STAC: variants seen among roughly 807,000 people sequenced by gnomAD.
STAC encodes the protein SH3 and cysteine-rich domain-containing protein.
STAC carries 43 observed loss-of-function variants against 48.8 expected under a neutral mutation model. The observed-to-expected ratio is 0.88, with a 90% CI of 0.69 to 1.14. The LOEUF (loss-of-function observed/expected upper bound fraction) is 1.14. Ranked by LOEUF, STAC falls within the 50% of genes most tolerant of loss-of-function variation. The probability of loss-of-function intolerance (pLI) is 0.00; values close to 1 mark genes in which losing one functional copy is unlikely to be tolerated. For synonymous variants in STAC, 193 were observed against 179.5 expected (o/e 1.07, Z -0.60); for missense variants, 497 against 504.0 (o/e 0.99, Z 0.13).
chr3:36,454,204 T>C (rs1305893796), intron 2 of STAC, among the ~76,000 whole-genome samples: 1 of 152,170 alleles, frequency 6.6e-6, no homozygotes, highest in Non-Finnish European at 1.5e-5. Context: ...TAAATCTTGC[T>C]ACAGCTAACT....
intron 2 of STAC, among the ~76,000 whole-genome samples, chr3:36,450,211 C>G (rs1456080): frequency 0.7 from 106,956 of 152,138 alleles, 38,139 homozygotes; most frequent in African/African-American, 0.82. Context: ...ACCTGGCACA[C>G]AGTGATTATT....
intron 1 of STAC, among the ~76,000 whole-genome samples, chr3:36,437,514 A>G (rs1241392395): frequency 6.6e-6 from 1 of 151,408 alleles, no homozygotes; most frequent in Non-Finnish European, 1.5e-5. Flanking sequence ...TTCTCAGTAA[A>G]CTACCGCAAG....
chr3:36,406,871 T>C (rs959795742), intron 1 of STAC, among the ~76,000 whole-genome samples: 2 of 152,214 alleles, frequency 1.3e-5, no homozygotes, highest in African/African-American at 4.8e-5. Context: ...CAATATTCAC[T>C]ATTGCCTGGA....
At chr3:36,421,885 C>T (rs926255309) in intron 1 of STAC, among the ~76,000 whole-genome samples, 1 of 152,012 alleles carries the variant, frequency 6.6e-6, no homozygotes, top group Non-Finnish European at 1.5e-5. Flanking sequence ...AAGACCCCTA[C>T]TTTTCTAATC....
chr3:36,516,928 A>G (rs1698687409), intron 8 of STAC, among the ~76,000 whole-genome samples: 1 of 152,104 alleles, frequency 6.6e-6, no homozygotes, highest in Non-Finnish European at 1.5e-5. Context: ...CCTCATTAAC[A>G]CCACCCTAAG....
intron 8 of STAC, among the ~76,000 whole-genome samples, chr3:36,508,669 T>C (rs532038998): frequency 6.6e-6 from 1 of 152,340 alleles, no homozygotes; most frequent in South Asian, 2.1e-4. Context: ...TACCATTATG[T>C]AATGGTCTTC....
intron 1 of STAC, among the ~76,000 whole-genome samples, chr3:36,391,976 T>C (rs1205491859): frequency 2.0e-5 from 3 of 152,146 alleles, no homozygotes; most frequent in Admixed American, 1.3e-4. Context: ...CAAACTGATA[T>C]CAGGGGAGTG....
Position 36,546,925 on chromosome 3 carries a change from T to G in STAC, c.*636T>G, listed in dbSNP as rs1699461346. 6.6e-6 allele frequency: 1 copy of G among 152,624 alleles called. No individual in the cohort carries two copies. The highest frequency in any genetic ancestry group is 2.1e-4 in the South Asian group (1 of 4,838). The allele number at this position is 152,624 out of a possible 1,614,324, so 9.5% of individuals were successfully genotyped here. A position where few individuals can be genotyped will look rare whatever the true frequency, so the allele number is the denominator to read the frequency against. ...ATTAGATGTGAGGGCTATGTTGACA[T>G]GGCATCACCTCCAAAGACCTGACCT... is the stretch of plus-strand genomic sequence containing the variant. On this transcript the variant is annotated 3_prime_UTR_variant, in exon 11 of 11. Coordinates refer to ENST00000273183, the MANE Select transcript of STAC (RefSeq NM_003149.3).
At chr3:36,460,303 C>A (rs574944101) in intron 2 of STAC, among the ~76,000 whole-genome samples, 6 of 152,126 alleles carry the variant, frequency 3.9e-5, no homozygotes, top group South Asian at 2.1e-4. Flanking sequence ...TCAACTGGAG[C>A]AATTTGCCTC....
chr3:36,484,781 G>T (rs1012220387), intron 3 of STAC, among the ~76,000 whole-genome samples, 196 bp from the exon 4 acceptor site: 1 of 152,180 alleles, frequency 6.6e-6, no homozygotes, highest in Non-Finnish European at 1.5e-5. Flanking sequence ...AGTGTAACTT[G>T]CTAGTTGCCA....
intron 2 of STAC, among the ~76,000 whole-genome samples, chr3:36,478,372 T>C (rs1423862769): frequency 1.3e-5 from 2 of 152,252 alleles, no homozygotes; most frequent in African/African-American, 4.8e-5. Flanking sequence ...TTCCTCAAAT[T>C]AAAAATTGCC....
chr3:36,450,163 A>G (rs1428065390), intron 2 of STAC, among the ~76,000 whole-genome samples: 2 of 152,192 alleles, frequency 1.3e-5, no homozygotes, highest in African/African-American at 4.8e-5. Context: ...GCCAGCTCTA[A>G]TTTATGTGCC....
At chr3:36,495,995 C>T (rs1252145154) in intron 6 of STAC, among the ~76,000 whole-genome samples, 1 of 152,180 alleles carries the variant, frequency 6.6e-6, no homozygotes, top group Non-Finnish European at 1.5e-5. Context: ...CCCTCCCCTT[C>T]AATACACACA....
At chr3:36,477,357 T>C (rs1697520090) in intron 2 of STAC, among the ~76,000 whole-genome samples, 1 of 152,210 alleles carries the variant, frequency 6.6e-6, no homozygotes, top group Non-Finnish European at 1.5e-5. Flanking sequence ...TTTATCCTGT[T>C]TTATCTTTAA....
rs550111069 is a variant in STAC at position 36,491,069 on chromosome 3, A to G, written c.688-2082A>G. ...CCAAAGTCCAACCATCCTCAAAGGA[A>G]GAAAATAGAAACATTGATTGGTATT... On this transcript the variant is annotated intron_variant, in intron 5 of 10. Transcript: ENST00000273183. 1.2e-4 allele frequency among the ~76,000 whole-genome samples: 18 copies of G among 152,370 alleles called. No homozygotes were observed. The South Asian group carries it at 3.5e-3, about 30-fold the overall frequency.
intron 6 of STAC, among the ~76,000 whole-genome samples, chr3:36,495,048 G>A (rs982116989): frequency 2.6e-5 from 4 of 152,156 alleles, no homozygotes; most frequent in East Asian, 1.9e-4. Context: ...CACTAACTGC[G>A]CTGGAAACAT....
At chr3:36,433,783 T>A (rs1700762718) in intron 1 of STAC, among the ~76,000 whole-genome samples, 1 of 152,228 alleles carries the variant, frequency 6.6e-6, no homozygotes, top group South Asian at 2.1e-4. Context: ...TTGAGAGACT[T>A]GCCCAAGACC....
intron 8 of STAC, 94 bp downstream of exon 8, chr3:36,505,928 C>T: frequency 1.3e-6 from 1 of 763,130 alleles, no homozygotes; most frequent in Non-Finnish European, 2.1e-6. Flanking sequence ...CCTCCTAATG[C>T]TTTATAGCTG....
intron 1 of STAC, among the ~76,000 whole-genome samples, chr3:36,405,006 T>G (rs1184726717): frequency 1.3e-5 from 2 of 152,204 alleles, no homozygotes; most frequent in Non-Finnish European, 2.9e-5. Context: ...TGTGCCATCC[T>G]AATATATTAT....
Sources: gnomAD v4.1 joint callset for allele counts (sites outside exome capture counted in the v4.1 genomes callset) on GRCh38, gnomAD v4.1.1 for gene constraint, MANE v1.5 for transcripts, NCBI Gene and HGNC (gene_info 2026-07-23, HGNC 2026-07-21) for gene names.